Variants in C14orf180 observed in about 807,000 individuals in gnomAD.
C14orf180 encodes nutritionally-regulated adipose and cardiac enriched protein homolog.
C14orf180 carries 13 observed loss-of-function variants against 13.9 expected under a neutral mutation model. The ratio of observed to expected loss-of-function variants is 0.94; its 90% CI spans 0.61 to 1.49. The LOEUF (loss-of-function observed/expected upper bound fraction) is 1.49. Ranked by LOEUF, C14orf180 falls within the 40% of genes most tolerant of loss-of-function variation. The pLI is 0.00. For missense variants in C14orf180, 238 were observed against 232.0 expected (o/e 1.03, Z -0.17); for synonymous variants, 113 against 106.3 (o/e 1.06, Z -0.39).
intron 2 of C14orf180, 125 bp from the exon 3 acceptor site, chr14:104,587,624 T>C (rs1886672688): frequency 2.0e-6 from 2 of 985,502 alleles, no homozygotes; most frequent in South Asian, 1.7e-5. Flanking sequence ...AGGCCCAGCA[T>C]AGCGCACCAG....
chr14:104,586,619 G>A (rs1240112004), intron 2 of C14orf180, 78 bp downstream of exon 2: 17 of 818,006 alleles, frequency 2.1e-5, no homozygotes, highest in East Asian at 7.0e-5. Context: ...AGCAACAGAC[G>A]TGGAAAGGCC....
At chr14:104,580,973 A>C (rs913897501) in intron 1 of C14orf180, among the ~76,000 whole-genome samples, 1 of 152,194 alleles carries the variant, frequency 6.6e-6, no homozygotes, top group Non-Finnish European at 1.5e-5. Flanking sequence ...AGGCATGGAG[A>C]GGGGCCTCAG....
At chr14:104,588,397 G>A (rs1886711940) in intron 4 of C14orf180, 88 bp downstream of exon 4, 1 of 1,582,104 alleles carries the variant, frequency 6.3e-7, no homozygotes, top group Non-Finnish European at 8.7e-7. Flanking sequence ...GGTGTCACAG[G>A]GCCAGGGCCT....
intron 1 of C14orf180, among the ~76,000 whole-genome samples, chr14:104,583,461 C>T (rs1200709247): frequency 6.6e-6 from 1 of 152,206 alleles, no homozygotes; most frequent in Admixed American, 6.5e-5. Flanking sequence ...CTGACTCCCA[C>T]CCTCACGCGA....
chr14:104,584,813 C>T (rs1419975164), intron 1 of C14orf180, among the ~76,000 whole-genome samples: 1 of 152,232 alleles, frequency 6.6e-6, no homozygotes, highest in Non-Finnish European at 1.5e-5. Context: ...TAATTGAACC[C>T]GTCCAGACAG....
Position 104,588,600 on chromosome 14 carries a change from C to T in C14orf180, c.300C>T (p.His100=), listed in dbSNP as rs374943787. 2.4e-4 allele frequency: 359 copies of T among 1,470,322 alleles called. No homozygotes were observed. Among genetic ancestry groups the T allele is most frequent in the African/African-American group, 2.0e-3 (145 of 71,278 alleles). 91.1% of individuals were successfully genotyped at this position (1,470,322 alleles called of 1,614,324 possible). A position where few individuals can be genotyped will look rare whatever the true frequency, so the allele number is the denominator to read the frequency against. ...CAGTGCCCGGCCGGCCCAGGCCACA[C>T]GGCGGCTCCCTGCTCCTGCAGCTGT... ...TVRVPGRPRP[H]GGSLLLQLCV... Residue 100 remains histidine (H), a synonymous_variant, in exon 5 of 5, where the codon CAC becomes CAT. Coordinates refer to ENST00000557649, the MANE Select transcript of C14orf180 (RefSeq NM_001008404.3).
In C14orf180 at chr14:104,587,745, C is replaced by T. The variant is rs773899450; in HGVS notation, c.112-4C>T. 1.2e-6 allele frequency: 2 copies of T among 1,612,188 alleles called. No homozygotes were observed. Among genetic ancestry groups the T allele is most frequent in the Admixed American group, 1.7e-5 (1 of 59,770 alleles). On this transcript the variant is annotated splice_polypyrimidine_tract_variant and splice_region_variant and intron_variant, in intron 2 of 4. Coordinates refer to ENST00000557649, the MANE Select transcript of C14orf180 (RefSeq NM_001008404.3). ...CACCAGTCTGCTTCCCGCCCCCACA[C>T]CAGGAGGACAACAGGAAGTGCCCCC...
At chr14:104,587,420 C>A in intron 2 of C14orf180, among the ~76,000 whole-genome samples, 1 of 152,280 alleles carries the variant, frequency 6.6e-6, no homozygotes, top group East Asian at 1.9e-4. Flanking sequence ...CCCCCTCCCC[C>A]TGTCCACATG....
At chr14:104,583,231 G>A (rs1886500130) in intron 1 of C14orf180, among the ~76,000 whole-genome samples, 1 of 152,154 alleles carries the variant, frequency 6.6e-6, no homozygotes, top group South Asian at 2.1e-4. Flanking sequence ...CAGGGCTCAG[G>A]GAGGCTGCCT....
At chr14:104,586,172 A>G (rs12888830) in intron 1 of C14orf180, among the ~76,000 whole-genome samples, 27,133 of 152,118 alleles carry the variant, frequency 0.18, 3,531 homozygotes, top group East Asian at 0.56. Flanking sequence ...AAAGATGATA[A>G]TTATGAAGAC....
intron 1 of C14orf180, among the ~76,000 whole-genome samples, chr14:104,582,347 G>A (rs1021821740): frequency 6.6e-6 from 1 of 152,096 alleles, no homozygotes; most frequent in Non-Finnish European, 1.5e-5. Flanking sequence ...TCTCGAGGGG[G>A]AGGGACTCGG....
intron 2 of C14orf180, 64 bp from the exon 3 acceptor site, chr14:104,587,685 C>T: frequency 1.3e-6 from 2 of 1,576,842 alleles, no homozygotes; most frequent in Non-Finnish European, 1.7e-6. Context: ...CCACATGGCT[C>T]AGACCTGGGT....
At position 104,580,008 on chromosome 14, in the gene C14orf180, G is replaced by A. The variant is rs1205662508; in HGVS notation, c.-17+5G>A. ...GGGGAGCCAGGAGGGAACCAGGTGA[G>A]TTCCAGCCCCAGGGAGAGGGGGCTC... is the stretch of plus-strand genomic sequence containing the variant. On this transcript the variant is annotated splice_donor_5th_base_variant and intron_variant, in intron 1 of 4. Coordinates refer to ENST00000557649, the MANE Select transcript of C14orf180 (RefSeq NM_001008404.3). The A allele has an allele frequency of 6.6e-6, 1 of 152,432 alleles. No individual in the cohort carries two copies. Among genetic ancestry groups the A allele is most frequent in the Non-Finnish European group, 1.5e-5 (1 of 68,178 alleles). The allele number at this position is 152,432 out of a possible 1,614,324, so 9.4% of individuals were successfully genotyped here.
At chr14:104,587,981 T>TG (rs35883949) in intron 3 of C14orf180, 103 bp downstream of exon 3, 41 of 1,409,694 alleles carry the variant, frequency 2.9e-5, no homozygotes, top group Middle Eastern at 2.1e-4. Context: ...GCCCAGGACA[T>TG]GGGGGGGCCG....
At position 104,582,347 on chromosome 14, in the gene C14orf180, G is replaced by C. The variant is rs1021821740; in HGVS notation, c.-17+2344G>C. Among the ~76,000 whole-genome samples, 6 of 152,214 alleles carry C rather than the reference G, an allele frequency of 3.9e-5. No individual in the cohort carries two copies. The East Asian group carries it at 1.2e-3, about 29-fold the overall frequency. On this transcript the variant is annotated intron_variant, in intron 1 of 4. Coordinates refer to ENST00000557649, the MANE Select transcript of C14orf180 (RefSeq NM_001008404.3). Reference sequence around the variant, plus strand: ...CCCACTGCAGGCTGGTCTCGAGGGGGAGGGACTCGGCACTGCCACGGCCGC... The same window carrying C: ...CCCACTGCAGGCTGGTCTCGAGGGGCAGGGACTCGGCACTGCCACGGCCGC...
intron 1 of C14orf180, 121 bp from the exon 2 acceptor site, chr14:104,586,294 C>T: frequency 1.7e-6 from 1 of 590,178 alleles, no homozygotes; most frequent in Non-Finnish European, 2.9e-6. Flanking sequence ...AACAGCGTGG[C>T]CGGTCGCAAG....
intron 1 of C14orf180, among the ~76,000 whole-genome samples, chr14:104,583,092 G>A (rs1886493081): frequency 6.6e-6 from 1 of 152,256 alleles, no homozygotes; most frequent in African/African-American, 2.4e-5. Context: ...AGGGCTCAGG[G>A]AGGCTGTCTG....
intron 3 of C14orf180, 85 bp from the exon 4 acceptor site, chr14:104,588,188 CG>C: frequency 6.6e-7 from 1 of 1,526,706 alleles, no homozygotes; most frequent in South Asian, 1.1e-5. Context: ...CAGGGTCCTT[CG>C]GGGGTGCAGG....
Position 104,587,835 on chromosome 14 carries a change from G to C in C14orf180, c.198G>C (p.Ser66=), listed in dbSNP as rs748580951. The C allele has an allele frequency of 1.2e-6, 2 of 1,611,608 alleles. No individual in the cohort carries two copies. Among genetic ancestry groups the C allele is most frequent in the Admixed American group, 1.7e-5 (1 of 59,806 alleles). Reference sequence around the variant, plus strand: ...CAGAGGCCAAGCCCCAGAGGACCTCGAGGCGCGTGTGGTTCCGAGAACCCC... The same window carrying C: ...CAGAGGCCAAGCCCCAGAGGACCTCCAGGCGCGTGTGGTTCCGAGAACCCC... The part of the protein sequence containing the change: ...HRPEAKPQRT[S]RRVWFREPPA... The change falls in exon 3 of 5, where the codon TCG becomes TCC. Residue 66 remains serine, a synonymous_variant. Coordinates refer to ENST00000557649, the MANE Select transcript of C14orf180 (RefSeq NM_001008404.3).
Sources: gnomAD v4.1 joint callset for allele counts (sites outside exome capture counted in the v4.1 genomes callset) on GRCh38, gnomAD v4.1.1 for gene constraint, MANE v1.5 for transcripts, NCBI Gene and HGNC (gene_info 2026-07-23, HGNC 2026-07-21) for gene names.